OTC: variants seen among roughly 807,000 people sequenced by gnomAD.
OTC encodes ornithine transcarbamylase, mitochondrial.
Under a neutral mutation model 30.3 loss-of-function variants are expected in OTC, and 3 were observed. The observed-to-expected ratio is 0.10, with a 90% confidence interval of 0.05 to 0.26. OTC has a LOEUF of 0.26. Among genes scored for constraint, OTC ranks in the 10% least tolerant of loss-of-function variants. The probability of loss-of-function intolerance (pLI) is 1.00; values close to 1 mark genes in which losing one functional copy is unlikely to be tolerated. For missense variants in OTC, 194 were observed against 260.3 expected (o/e 0.75, Z 1.75); for synonymous variants, 111 against 99.7 (o/e 1.11, Z -0.67).
chrX:38,408,192 C>T, intron 6 of OTC, among the ~76,000 whole-genome samples: 1 of 112,005 alleles, frequency 8.9e-6, no homozygotes, highest in Non-Finnish European at 1.9e-5. Flanking sequence ...AAACAAGCAC[C>T]CTGCCCTCAA....
intron 1 of OTC, among the ~76,000 whole-genome samples, chrX:38,357,917 A>G (rs2068249941): frequency 9.0e-6 from 1 of 111,589 alleles, no homozygotes; most frequent in Non-Finnish European, 1.9e-5. Context: ...GACAGTTTTG[A>G]TGGAGTATTT....
the OTC span, among the ~76,000 whole-genome samples, chrX:38,331,553 G>A: frequency 5.7e-5 from 6 of 106,121 alleles, no homozygotes; most frequent in East Asian, 3.0e-4. Flanking sequence ...CAAAGTGCTG[G>A]GATTATAGGC....
chrX:38,375,217 C>T (rs1356876349), intron 3 of OTC, among the ~76,000 whole-genome samples: 1 of 111,763 alleles, frequency 8.9e-6, no homozygotes, highest in African/African-American at 3.3e-5. Context: ...GTGGATGATA[C>T]AGTATGTTGG....
rs1043622723 is a variant in OTC, at chrX:38,387,922, A to G, written c.386+6493A>G. Among the ~76,000 whole-genome samples, 3 of 111,410 alleles carry G rather than the reference A, an allele frequency of 2.7e-5. No individual in the cohort carries two copies. The Admixed American group carries it at 2.9e-4, about 11-fold the overall frequency. On this transcript the variant is annotated intron_variant, in intron 4 of 9. Coordinates refer to ENST00000039007, the MANE Select transcript of OTC (RefSeq NM_000531.6). The stretch of plus-strand genomic sequence containing the variant: ...AAAGCAGGTGTTCAGCATAAAACAT[A>G]GTGCATATCCAAACAGTTTGGGCAC...
At chrX:38,383,191 G>GGAGTC (rs1195758312) in intron 4 of OTC, among the ~76,000 whole-genome samples, 1 of 111,028 alleles carries the variant, frequency 9.0e-6, no homozygotes, top group Non-Finnish European at 1.9e-5. Flanking sequence ...TCCATGAAAT[G>GGAGTC]GAGTCCATAT....
chrX:38,380,974 C>G (rs2068373242), intron 3 of OTC, among the ~76,000 whole-genome samples: 1 of 112,248 alleles, frequency 8.9e-6, no homozygotes, highest in African/African-American at 3.2e-5. Context: ...GGAGATCCAC[C>G]TGCCTCAGCC....
intron 3 of OTC, among the ~76,000 whole-genome samples, chrX:38,376,320 A>C (rs1252832156): frequency 1.8e-5 from 2 of 112,247 alleles, no homozygotes; most frequent in Non-Finnish European, 3.8e-5. Context: ...ATGTGTGAAA[A>C]ATGAGAACAA....
intron 4 of OTC, among the ~76,000 whole-genome samples, chrX:38,388,980 G>C (rs758287028): frequency 1.8e-5 from 2 of 111,853 alleles, no homozygotes; most frequent in African/African-American, 6.5e-5. Flanking sequence ...CAAAATCAGT[G>C]TGTCAACAGG....
intron 3 of OTC, among the ~76,000 whole-genome samples, chrX:38,377,031 TAC>T (rs1412863294): frequency 1.8e-5 from 2 of 111,785 alleles, no homozygotes; most frequent in Non-Finnish European, 3.8e-5. Context: ...AGGTGCAGAG[TAC>T]ACATTCTTTT....
At chrX:38,376,135 G>GTT (rs1216981580) in intron 3 of OTC, among the ~76,000 whole-genome samples, 1 of 110,233 alleles carries the variant, frequency 9.1e-6, no homozygotes, top group East Asian at 2.8e-4. Flanking sequence ...GGTGAGAGGA[G>GTT]TTTTGGTGCA....
chrX:38,422,368 T>C (rs2068600119), downstream of OTC, among the ~76,000 whole-genome samples: 1 of 112,262 alleles, frequency 8.9e-6, no homozygotes, highest in African/African-American at 3.2e-5. Context: ...AGTAATTTAT[T>C]GGAAGCACTT....
chrX:38,328,749 G>A, the OTC span, among the ~76,000 whole-genome samples: 2 of 112,183 alleles, frequency 1.8e-5, no homozygotes, highest in Admixed American at 1.9e-4. Context: ...CATTCTGCCT[G>A]GTCTAGATGC....
intron 1 of OTC, among the ~76,000 whole-genome samples, chrX:38,365,696 T>C (rs1284995934): frequency 8.9e-6 from 1 of 112,478 alleles, no homozygotes; most frequent in Non-Finnish European, 1.9e-5. Flanking sequence ...AGTAAACTGA[T>C]GTCAGGATGA....
chrX:38,376,835 A>G (rs2068350723), intron 3 of OTC, among the ~76,000 whole-genome samples: 1 of 112,559 alleles, frequency 8.9e-6, no homozygotes. Flanking sequence ...CCAGATATAT[A>G]AAGCAAGTAT....
intron 2 of OTC, among the ~76,000 whole-genome samples, chrX:38,367,730 T>C (rs748404271): frequency 9.0e-6 from 1 of 110,787 alleles, no homozygotes; most frequent in East Asian, 2.8e-4. Flanking sequence ...TATTTATTTA[T>C]TTATTGAGAT....
intron 6 of OTC, among the ~76,000 whole-genome samples, chrX:38,403,969 G>A (rs1022211361): frequency 8.9e-6 from 1 of 112,281 alleles, no homozygotes. Context: ...TATTCTATGA[G>A]TTAGTGTTAA....
intron 8 of OTC, 128 bp from the exon 9 acceptor site, chrX:38,411,734 C>T: frequency 1.6e-6 from 1 of 626,342 alleles, no homozygotes; most frequent in Non-Finnish European, 2.7e-6. Context: ...AACCATCACT[C>T]TGCTCCTTTG....
intron 9 of OTC, among the ~76,000 whole-genome samples, chrX:38,416,985 C>T (rs1442916702): frequency 2.7e-5 from 3 of 112,203 alleles, no homozygotes; most frequent in Non-Finnish European, 5.6e-5. Flanking sequence ...CAGACATCAC[C>T]TTAAATGTTA....
the OTC span, among the ~76,000 whole-genome samples, chrX:38,335,318 C>T: frequency 8.9e-6 from 1 of 112,609 alleles, no homozygotes; most frequent in South Asian, 3.6e-4. Context: ...ATGATGTGTA[C>T]AAAACCTGCA....
Sources: gnomAD v4.1 joint callset for allele counts (sites outside exome capture counted in the v4.1 genomes callset) on GRCh38, gnomAD v4.1.1 for gene constraint, MANE v1.5 for transcripts, NCBI Gene and HGNC (gene_info 2026-07-23, HGNC 2026-07-21) for gene names.